Variants in PCDH15 observed in about 807,000 individuals in gnomAD.
PCDH15 encodes protocadherin-15.
PCDH15 carries 129 observed loss-of-function variants against 178.5 expected under a neutral mutation model. That is an observed-to-expected ratio of 0.72 (90% CI 0.63 to 0.84). The LOEUF is 0.84. Among genes scored for constraint, PCDH15 ranks in the 40% least tolerant of loss-of-function variants. PCDH15 has a pLI of 0.00. For synonymous variants in PCDH15, 800 were observed against 732.0 expected (o/e 1.09, Z -1.50); for missense variants, 2,230 against 2,099.9 (o/e 1.06, Z -1.21).
chr10:54,875,072 C>A (rs982618658), intron 3 of PCDH15, among the ~76,000 whole-genome samples: 1 of 152,138 alleles, frequency 6.6e-6, no homozygotes, highest in African/African-American at 2.4e-5. Context: ...TTTGTGGCAA[C>A]CCCGTGTGAG....
chr10:54,625,659 C>T (rs765192733), intron 2 of PCDH15, among the ~76,000 whole-genome samples: 5 of 152,134 alleles, frequency 3.3e-5, no homozygotes, highest in Non-Finnish European at 7.3e-5. Context: ...CATGGAACTG[C>T]GAGTTCTCTA....
chr10:55,339,504 T>C (rs1262412386), intron 2 of PCDH15, among the ~76,000 whole-genome samples: 3 of 152,196 alleles, frequency 2.0e-5, no homozygotes, highest in Non-Finnish European at 4.4e-5. Flanking sequence ...AGTGTATTTT[T>C]AGTTGCATTA....
At position 55,417,764 on chromosome 10, in the gene PCDH15, G is replaced by GA. The variant is rs796173566; in HGVS notation, c.-156+209860dup. ...AGGATATATTCCAGCAAAATGAAGG[G>GA]AAAAAAAAAACAAGTGAGATTGGAT... On this transcript the variant is annotated intron_variant, in intron 2 of 5. Coordinates refer to the PCDH15 transcript ENST00000613346. 4.7e-3 allele frequency among the ~76,000 whole-genome samples: 674 copies of GA among 142,854 alleles called. 4 individuals carry two copies. The highest frequency in any genetic ancestry group is 0.015 in the African/African-American group (606 of 39,146). 93.7% of individuals were successfully genotyped at this position (142,854 alleles called of 152,430 possible). A position where few individuals can be genotyped will look rare whatever the true frequency, so the allele number is the denominator to read the frequency against.
At chr10:53,824,630 GCAAA>G (rs1254204554) in intron 32 of PCDH15, among the ~76,000 whole-genome samples, 9 of 152,178 alleles carry the variant, frequency 5.9e-5, no homozygotes, top group Non-Finnish European at 1.5e-5. Context: ...TAATCAGAGT[GCAAA>G]CAAACACTTT....
Position 54,677,671 on chromosome 10 carries a change from G to A in PCDH15, c.-28-13381C>T, listed in dbSNP as rs1215308388. 3.9e-5 allele frequency among the ~76,000 whole-genome samples: 6 copies of A among 152,234 alleles called. No homozygotes were observed. In the South Asian group the frequency reaches 6.2e-4, roughly 16 times the overall value. Reference sequence around the variant, plus strand: ...ACTTAGCAACTTTGCAGAAGTCTACGTCTATTTTTTCCATCTTCCAATTTT... The same window carrying A: ...ACTTAGCAACTTTGCAGAAGTCTACATCTATTTTTTCCATCTTCCAATTTT... On this transcript the variant is annotated intron_variant, in intron 1 of 37. Coordinates refer to ENST00000644397, the MANE Select transcript of PCDH15 (RefSeq NM_001384140.1).
In PCDH15 at chr10:54,513,562, G is replaced by A. The variant is rs536795968; in HGVS notation, c.157+14250C>T. Among the ~76,000 whole-genome samples the A allele has an allele frequency of 3.9e-5, 6 of 152,024 alleles. No individual in the cohort carries two copies. In the South Asian group the frequency reaches 8.3e-4, roughly 21 times the overall value. ...ACAAAACAAAATTTTTGTCATCATTGTAGACATGACAATGCAAGCAAAAAC... is the reference window on the plus strand; with the variant it reads ...ACAAAACAAAATTTTTGTCATCATTATAGACATGACAATGCAAGCAAAAAC... On this transcript the variant is annotated intron_variant, in intron 3 of 37. Transcript: ENST00000644397.
At chr10:55,519,010 C>G (rs906739875) in intron 2 of PCDH15, among the ~76,000 whole-genome samples, 2 of 148,866 alleles carry the variant, frequency 1.3e-5, no homozygotes, top group African/African-American at 5.0e-5. Flanking sequence ...AGAAGAATCA[C>G]TTGAACCAGG....
chr10:55,111,865 TAAA>T (rs1837516260), intron 2 of PCDH15, among the ~76,000 whole-genome samples: 1 of 152,010 alleles, frequency 6.6e-6, no homozygotes, highest in Non-Finnish European at 1.5e-5. Flanking sequence ...AAAAAAACAA[TAAA>T]AAATAAAAAA....
intron 20 of PCDH15, among the ~76,000 whole-genome samples, chr10:54,007,885 C>T (rs904082576): frequency 6.6e-6 from 1 of 152,034 alleles, no homozygotes; most frequent in African/African-American, 2.4e-5. Context: ...ATTATGTTAT[C>T]AACAAAACAG....
At chr10:54,783,288 A>C (rs375343603) in intron 1 of PCDH15, among the ~76,000 whole-genome samples, 19 of 152,270 alleles carry the variant, frequency 1.2e-4, no homozygotes, top group East Asian at 9.7e-4. Flanking sequence ...CATGAGAAAA[A>C]ATCGAGCAGA....
chr10:54,917,728 A>T (rs1837377308), intron 2 of PCDH15, among the ~76,000 whole-genome samples: 1 of 152,180 alleles, frequency 6.6e-6, no homozygotes, highest in African/African-American at 2.4e-5. Flanking sequence ...AAATTTTTAG[A>T]TAATTTAAAT....
chr10:54,132,778 G>T, intron 15 of PCDH15, 97 bp downstream of exon 15: 1 of 1,528,860 alleles, frequency 6.5e-7, no homozygotes. Context: ...AGCATGTGAG[G>T]TTTCTCCCTC....
At chr10:54,939,548 TG>T (rs1472536289) in intron 2 of PCDH15, among the ~76,000 whole-genome samples, 1 of 148,412 alleles carries the variant, frequency 6.7e-6, no homozygotes, top group African/African-American at 2.5e-5. Context: ...TGTAGGCATT[TG>T]GTAGTTCGTA....
intron 2 of PCDH15, among the ~76,000 whole-genome samples, chr10:54,561,378 A>G (rs2088121653): frequency 6.6e-6 from 1 of 152,196 alleles, no homozygotes; most frequent in South Asian, 2.1e-4. Context: ...AAGACAAGGC[A>G]AGATATGTAA....
rs567230868 is a variant in PCDH15 at position 55,221,107 on chromosome 10, G to T, written c.-155-54456C>A. On this transcript the variant is annotated intron_variant, in intron 1 of 5. Transcript: ENST00000458638. The stretch of plus-strand genomic sequence containing the variant: ...CCTAATACTCATGACAACATGAATG[G>T]ATCTTAAAAATGTGGAGTGAAAGAA... 6.4e-4 allele frequency among the ~76,000 whole-genome samples: 97 copies of T among 152,102 alleles called. 1 individual carries two copies. In the South Asian group the frequency reaches 0.019, roughly 30 times the overall value.
intron 8 of PCDH15, among the ~76,000 whole-genome samples, chr10:54,311,249 G>T (rs2060885540): frequency 6.6e-6 from 1 of 151,916 alleles, no homozygotes; most frequent in Non-Finnish European, 1.5e-5. Context: ...TTAAAGGAAG[G>T]TATACACAGT....
intron 2 of PCDH15, among the ~76,000 whole-genome samples, chr10:54,663,390 G>A (rs1038835470): frequency 6.7e-6 from 1 of 149,138 alleles, no homozygotes; most frequent in African/African-American, 2.4e-5. Flanking sequence ...TTTCTAGGGA[G>A]GAAACATTTT....
intron 2 of PCDH15, among the ~76,000 whole-genome samples, chr10:55,023,781 A>G (rs1268331755): frequency 6.6e-6 from 1 of 151,436 alleles, no homozygotes; most frequent in East Asian, 1.9e-4. Flanking sequence ...CTGTGTACAC[A>G]TATACACACA....
At chr10:54,868,931 A>G (rs1953987149) in intron 3 of PCDH15, 1 of 152,180 alleles carries the variant, frequency 6.6e-6, no homozygotes, top group Admixed American at 6.5e-5. Context: ...TCCTCTCCAA[A>G]AGGTTACACA....
Sources: gnomAD v4.1 joint callset for allele counts (sites outside exome capture counted in the v4.1 genomes callset) on GRCh38, gnomAD v4.1.1 for gene constraint, MANE v1.5 for transcripts, NCBI Gene and HGNC (gene_info 2026-07-23, HGNC 2026-07-21) for gene names.